PRRG4: variants seen among roughly 807,000 people sequenced by gnomAD.
PRRG4 encodes the protein transmembrane gamma-carboxyglutamic acid protein 4.
Under a neutral mutation model 20.0 loss-of-function variants are expected in PRRG4, and 12 were observed. The observed-to-expected ratio is 0.60, with a 90% CI of 0.38 to 0.97. The LOEUF is 0.97. Ranked by LOEUF, PRRG4 falls within the 50% of genes least tolerant of loss-of-function variation. The pLI is 0.00. For synonymous variants in PRRG4, 94 were observed against 96.4 expected (o/e 0.98, Z 0.15); for missense variants, 199 against 265.1 (o/e 0.75, Z 1.73).
chr11:32,844,163 C>T (rs150006422), intron 5 of PRRG4, among the ~76,000 whole-genome samples: 1 of 152,258 alleles, frequency 6.6e-6, no homozygotes, highest in Non-Finnish European at 1.5e-5. Flanking sequence ...GGATTCAAAA[C>T]CCTGGTACGC....
chr11:32,850,907 TA>T (rs1299908016), intron 5 of PRRG4, among the ~76,000 whole-genome samples: 1 of 151,626 alleles, frequency 6.6e-6, no homozygotes, highest in Non-Finnish European at 1.5e-5. Context: ...CAGTCTCTAC[TA>T]AAAAAAATAC....
At chr11:32,838,822 C>A in intron 3 of PRRG4, 60 bp from the exon 4 acceptor site, 1 of 1,284,294 alleles carries the variant, frequency 7.8e-7, no homozygotes, top group Non-Finnish European at 1.1e-6. Context: ...GTCATTAGGA[C>A]CAAATGAAAT....
chr11:32,838,191 T>C (rs1851041808), intron 3 of PRRG4, among the ~76,000 whole-genome samples: 1 of 152,198 alleles, frequency 6.6e-6, no homozygotes, highest in Non-Finnish European at 1.5e-5. Context: ...GCACAGTGGC[T>C]CATGCTTGTA....
chr11:32,830,198 C>T (rs1189432252), intron 1 of PRRG4, 25 bp downstream of exon 1: 2 of 1,066,746 alleles, frequency 1.9e-6, no homozygotes. Context: ...GGCAGGACCT[C>T]GGCGGGGAGG....
Position 32,831,419 on chromosome 11 carries a change from G to A in PRRG4, c.103+787G>A, listed in dbSNP as rs116567723. On this transcript the variant is annotated intron_variant, in intron 2 of 5. Coordinates refer to ENST00000257836, the MANE Select transcript of PRRG4 (RefSeq NM_024081.6). ...TCCGATTCTCAGCTCATTTTCATTT[G>A]GGAAGGATCTGTTACACTAGTACTC... Among the ~76,000 whole-genome samples, 537 of 152,168 alleles carry A rather than the reference G, an allele frequency of 3.5e-3. 5 individuals are homozygous for A. The highest frequency in any genetic ancestry group is 0.012 in the African/African-American group (518 of 41,508).
intron 5 of PRRG4, among the ~76,000 whole-genome samples, chr11:32,850,745 G>A (rs1221534022): frequency 6.6e-6 from 1 of 152,130 alleles, no homozygotes; most frequent in Non-Finnish European, 1.5e-5. Flanking sequence ...TAAGATCATC[G>A]TCAGAAAAGT....
Position 32,855,814 on chromosome 11 carries a change from T to G in PRRG4, c.*2287T>G, listed in dbSNP as rs1851223970. On this transcript the variant is annotated 3_prime_UTR_variant, in exon 6 of 6. Coordinates refer to ENST00000257836, the MANE Select transcript of PRRG4 (RefSeq NM_024081.6). ...GCTCATGTGACTTTGCACTTTGCAC[T>G]TATTTTAATCCTCTTTAAAGGGCTA... 6.6e-6 allele frequency: 1 copy of G among 152,250 alleles called. No individual in the cohort carries two copies. 9.4% of individuals were successfully genotyped at this position (152,250 alleles called of 1,614,324 possible).
chr11:32,849,690 AT>A (rs1291755057), intron 5 of PRRG4, among the ~76,000 whole-genome samples: 4 of 152,152 alleles, frequency 2.6e-5, no homozygotes, highest in Non-Finnish European at 5.9e-5. Context: ...ATATAAAAAA[AT>A]AAAGTAAAGG....
At chr11:32,838,357 G>A (rs540351794) in intron 3 of PRRG4, among the ~76,000 whole-genome samples, 89 of 152,132 alleles carry the variant, frequency 5.9e-4, no homozygotes, top group Non-Finnish European at 1.1e-3. Flanking sequence ...TCGGGAGGCT[G>A]AGGTGGGAGG....
At chr11:32,830,742 T>G (rs1031893046) in intron 2 of PRRG4, 110 bp downstream of exon 2, 1 of 1,516,076 alleles carries the variant, frequency 6.6e-7, no homozygotes, top group Non-Finnish European at 8.9e-7. Flanking sequence ...CACTAAAATA[T>G]CCTTTAGTTT....
At position 32,854,580 on chromosome 11, in the gene PRRG4, A is replaced by G. The variant is rs974020927; in HGVS notation, c.*1053A>G. ...CTCAAAAAAAAAAAAAAAAAAAAAG[A>G]TTATCCAAAAAGATATTGGACCTAC... On this transcript the variant is annotated 3_prime_UTR_variant, in exon 6 of 6. Coordinates refer to ENST00000257836, the MANE Select transcript of PRRG4 (RefSeq NM_024081.6). The G allele has an allele frequency of 1.4e-5, 2 of 145,318 alleles. No homozygotes were observed. The highest frequency in any genetic ancestry group is 3.0e-5 in the Non-Finnish European group (2 of 65,996). 9.0% of individuals were successfully genotyped at this position (145,318 alleles called of 1,614,324 possible).
Position 32,857,168 on chromosome 11 carries a change from T to TC in PRRG4, c.*3643dup, listed in dbSNP as rs34587471. The TC allele has an allele frequency of 6.7e-6, 1 of 149,898 alleles. No homozygotes were observed. Among genetic ancestry groups the TC allele is most frequent in the Middle Eastern group, 3.3e-3 (1 of 306 alleles). 9.3% of individuals were successfully genotyped at this position (149,898 alleles called of 1,614,324 possible). A position where few individuals can be genotyped will look rare whatever the true frequency, so the allele number is the denominator to read the frequency against. ...GTTTTGCATCTTTTTTTTTTTTTTT[T>TC]CCAGAAGGAGTCTCACTTTGTCACC... On this transcript the variant is annotated 3_prime_UTR_variant, in exon 6 of 6. Transcript: ENST00000257836.
At chr11:32,832,742 C>G (rs1275505839) in intron 2 of PRRG4, among the ~76,000 whole-genome samples, 1 of 152,162 alleles carries the variant, frequency 6.6e-6, no homozygotes, top group Admixed American at 6.5e-5. Flanking sequence ...CTCGGCCTCC[C>G]GAAGGGCTGG....
rs1851220294 is a variant in PRRG4 at position 32,855,228 on chromosome 11, A to G, written c.*1701A>G. 1 of 152,204 alleles carries G rather than the reference A, an allele frequency of 6.6e-6. No homozygotes were observed. The highest frequency in any genetic ancestry group is 2.4e-5 in the African/African-American group (1 of 41,458). The allele number at this position is 152,204 out of a possible 1,614,324, so 9.4% of individuals were successfully genotyped here. ...ATGTATAACCAGTTTTTCCTTAAGA[A>G]TGTAGCAGCATATAAGCTATAAATT... is the stretch of plus-strand genomic sequence containing the variant. On this transcript the variant is annotated 3_prime_UTR_variant, in exon 6 of 6. Transcript: ENST00000257836.
chr11:32,849,846 T>C (rs1464282658), intron 5 of PRRG4, among the ~76,000 whole-genome samples: 1 of 152,124 alleles, frequency 6.6e-6, no homozygotes, highest in Non-Finnish European at 1.5e-5. Flanking sequence ...CCCAATGCAT[T>C]ATGTGAATTA....
chr11:32,851,886 C>T (rs376229131), intron 5 of PRRG4, among the ~76,000 whole-genome samples: 2 of 152,092 alleles, frequency 1.3e-5, no homozygotes, highest in East Asian at 3.8e-4. Flanking sequence ...ATCCCCTATG[C>T]ATTTTAATTA....
intron 2 of PRRG4, 34 bp downstream of exon 2, chr11:32,830,666 G>A (rs750488853): frequency 5.6e-6 from 9 of 1,613,258 alleles, no homozygotes; most frequent in Admixed American, 3.3e-5. Flanking sequence ...ACCCAGAGCC[G>A]CATAGCACAG....
At position 32,855,650 on chromosome 11, in the gene PRRG4, C is replaced by G. The variant is rs2133454934; in HGVS notation, c.*2123C>G. ...GACTTTATCCTTTTAGATTCTCAGT[C>G]TCTTTGTTGCTTGTTGCAAATAAAT... On this transcript the variant is annotated 3_prime_UTR_variant, in exon 6 of 6. Coordinates refer to ENST00000257836, the MANE Select transcript of PRRG4 (RefSeq NM_024081.6). 1 of 152,294 alleles carries G rather than the reference C, an allele frequency of 6.6e-6. No individual in the cohort carries two copies. The highest frequency in any genetic ancestry group is 3.4e-3 in the Middle Eastern group (1 of 294). 9.4% of individuals were successfully genotyped at this position (152,294 alleles called of 1,614,324 possible). A position where few individuals can be genotyped will look rare whatever the true frequency, so the allele number is the denominator to read the frequency against.
intron 1 of PRRG4, 29 bp from the exon 2 acceptor site, chr11:32,830,479 T>G: frequency 7.0e-7 from 1 of 1,431,984 alleles, no homozygotes; most frequent in South Asian, 1.6e-5. Context: ...GGGCCTTTTT[T>G]TTTTAATATT....
Sources: allele counts gnomAD v4.1 joint callset (sites outside exome capture counted in the v4.1 genomes callset), GRCh38; gene constraint gnomAD v4.1.1; transcripts MANE v1.5; gene names NCBI Gene and HGNC (gene_info 2026-07-23, HGNC 2026-07-21).